The following DMD variants were observed in gnomAD, a reference collection of about 807,000 sequenced individuals.
DMD encodes the protein mutant dystrophin.
DMD carries 63 observed loss-of-function variants against 330.1 expected under a neutral mutation model. The ratio of observed to expected loss-of-function variants is 0.19; its 90% CI spans 0.16 to 0.24. The LOEUF (loss-of-function observed/expected upper bound fraction) is 0.24. DMD is among the 10% of genes least tolerant of loss of function. DMD has a pLI of 1.00. For synonymous variants in DMD, 1,223 were observed against 959.8 expected, an observed-to-expected ratio of 1.27 and a Z score of -5.07; for missense variants, 3,344 against 2,684.1, an observed-to-expected ratio of 1.25 and a Z score of -5.43.
At chrX:33,336,090 C>G (rs1374047127) in intron 1 of DMD, among the ~76,000 whole-genome samples, 2 of 110,895 alleles carry the variant, frequency 1.8e-5, no homozygotes, top group Non-Finnish European at 3.8e-5. Context: ...GCATATTTTT[C>G]TGGAAAAATA....
intron 11 of DMD, among the ~76,000 whole-genome samples, chrX:32,636,866 C>T (rs747564520): frequency 5.5e-5 from 6 of 109,668 alleles, no homozygotes; most frequent in Non-Finnish European, 7.6e-5. Flanking sequence ...AGCGTGGTGG[C>T]GGGCACCTGT....
At chrX:32,309,578 T>C (rs1311016656) in intron 42 of DMD, among the ~76,000 whole-genome samples, 3 of 111,403 alleles carry the variant, frequency 2.7e-5, no homozygotes, top group Non-Finnish European at 3.8e-5. Flanking sequence ...AACTGGCAGT[T>C]ATAAAGAAAA....
At chrX:33,263,837 C>T (rs1048686832) in intron 1 of DMD, among the ~76,000 whole-genome samples, 11 of 110,288 alleles carry the variant, frequency 1.0e-4, no homozygotes, top group Middle Eastern at 4.4e-3. Context: ...GGAAACAGAA[C>T]TTACAAAAAA....
At chrX:32,303,658 G>T (rs1016334965) in intron 42 of DMD, among the ~76,000 whole-genome samples, 9 of 110,760 alleles carry the variant, frequency 8.1e-5, no homozygotes, top group African/African-American at 2.6e-4. Flanking sequence ...AAGAAAAAAG[G>T]ATTAGAAAAA....
chrX:31,495,640 C>T (rs765928514), intron 57 of DMD, among the ~76,000 whole-genome samples: 3 of 111,959 alleles, frequency 2.7e-5, no homozygotes, highest in East Asian at 2.8e-4. Context: ...TTTGCTTGTT[C>T]GGTATGAAAG....
At chrX:32,037,959 T>A (rs2095963344) in intron 44 of DMD, among the ~76,000 whole-genome samples, 1 of 111,652 alleles carries the variant, frequency 9.0e-6, no homozygotes, top group Admixed American at 9.6e-5. Flanking sequence ...GGCTACAACT[T>A]TAATGTGGCA....
intron 2 of DMD, among the ~76,000 whole-genome samples, chrX:32,866,724 T>TGGGGGGGGG (rs1200341173): frequency 2.6e-5 from 1 of 38,407 alleles, no homozygotes; most frequent in African/African-American, 1.7e-4. Context: ...CACTTTTTTT[T>TGGGGGGGGG]GGGGGGGGGT....
At chrX:31,790,539 G>A in intron 50 of DMD, among the ~76,000 whole-genome samples, 1 of 111,698 alleles carries the variant, frequency 9.0e-6, no homozygotes, top group Non-Finnish European at 1.9e-5. Context: ...TGAAAATATA[G>A]GTTATAGTAA....
At chrX:32,284,961 G>C (rs747738526) in intron 43 of DMD, among the ~76,000 whole-genome samples, 17 of 111,595 alleles carry the variant, frequency 1.5e-4, no homozygotes, top group African/African-American at 4.9e-4. Context: ...AGATTTCAGC[G>C]ACCCTCTCTG....
At chrX:33,022,356 C>T (rs998375119) in intron 1 of DMD, among the ~76,000 whole-genome samples, 8 of 110,414 alleles carry the variant, frequency 7.2e-5, no homozygotes, top group Non-Finnish European at 1.1e-4. Context: ...GAAGGCAGCA[C>T]GAAAACCTTG....
intron 44 of DMD, among the ~76,000 whole-genome samples, chrX:32,156,119 C>T (rs1176701709): frequency 8.9e-6 from 1 of 112,162 alleles, no homozygotes; most frequent in Non-Finnish European, 1.9e-5. Flanking sequence ...CGGTGGCTCA[C>T]GCCTGTAAAC....
chrX:31,331,408 T>C (rs1372383926), intron 61 of DMD, among the ~76,000 whole-genome samples: 4 of 107,043 alleles, frequency 3.7e-5, no homozygotes, highest in African/African-American at 1.4e-4. Context: ...CAAAGTCTAA[T>C]AGCCAAAGTT....
intron 2 of DMD, among the ~76,000 whole-genome samples, chrX:33,009,989 TATATAC>T (rs1276801508): frequency 3.2e-5 from 1 of 31,316 alleles, no homozygotes; most frequent in Admixed American, 3.0e-4. Context: ...CACATGTGTG[TATATAC>T]ACGTATGTAT....
chrX:31,607,907 CTT>C (rs371486122), intron 55 of DMD, among the ~76,000 whole-genome samples: 2,057 of 112,110 alleles, frequency 0.018, 24 homozygotes, highest in East Asian at 0.034. Flanking sequence ...TAAAAAATCT[CTT>C]TTCACAGTGT....
chrX:32,540,978 G>C (rs1178647370), intron 17 of DMD, among the ~76,000 whole-genome samples: 1 of 111,439 alleles, frequency 9.0e-6, no homozygotes, highest in Non-Finnish European at 1.9e-5. Flanking sequence ...AATTAGAAAG[G>C]AGGGCAGTTC....
chrX:32,588,354 G>C (rs779371442), intron 13 of DMD, among the ~76,000 whole-genome samples: 1 of 112,055 alleles, frequency 8.9e-6, no homozygotes, highest in African/African-American at 3.2e-5. Context: ...CTTGAAATGA[G>C]TTTTCTATAC....
intron 50 of DMD, among the ~76,000 whole-genome samples, chrX:31,777,438 A>C (rs2090741434): frequency 9.1e-6 from 1 of 109,380 alleles, no homozygotes; most frequent in Admixed American, 9.9e-5. Flanking sequence ...TAGGCTTTCT[A>C]GGACCAGATT....
intron 1 of DMD, among the ~76,000 whole-genome samples, chrX:33,305,410 A>C (rs1467838914): frequency 2.8e-5 from 2 of 71,301 alleles, no homozygotes; most frequent in Non-Finnish European, 5.1e-5. Flanking sequence ...CACTCCGGGG[A>C]CTGTTGTGGG....
intron 1 of DMD, among the ~76,000 whole-genome samples, chrX:33,174,930 T>C (rs2049567457): frequency 8.9e-6 from 1 of 111,976 alleles, no homozygotes; most frequent in Non-Finnish European, 1.9e-5. Context: ...AAATAACGTA[T>C]GAGTGTAGAT....
Sources: allele counts gnomAD v4.1 joint callset (sites outside exome capture counted in the v4.1 genomes callset), GRCh38; gene constraint gnomAD v4.1.1; transcripts MANE v1.5; gene names NCBI Gene and HGNC (gene_info 2026-07-23, HGNC 2026-07-21).